Variants in PRMT8 observed in about 807,000 individuals in gnomAD.
PRMT8 encodes protein arginine N-methyltransferase 8.
In PRMT8, 7 loss-of-function variants were observed where a neutral mutation model predicts 47.1. The ratio of observed to expected loss-of-function variants is 0.15; its 90% CI spans 0.08 to 0.28. The LOEUF (loss-of-function observed/expected upper bound fraction) is 0.28, where lower values mean the gene tolerates loss of function less well. Among genes scored for constraint, PRMT8 ranks in the 10% least tolerant of loss-of-function variants. The pLI, the probability that PRMT8 is intolerant of heterozygous loss-of-function variation, is 1.00. For missense variants in PRMT8, 237 were observed against 505.4 expected (o/e 0.47, Z 5.09); for synonymous variants, 188 against 186.5 (o/e 1.01, Z -0.07).
intron 1 of PRMT8, among the ~76,000 whole-genome samples, chr12:3,451,318 C>T (rs756331711): frequency 6.6e-6 from 1 of 152,152 alleles, no homozygotes; most frequent in African/African-American, 2.4e-5. Flanking sequence ...GGGAGTGACA[C>T]ACCCAAAGTC....
intron 5 of PRMT8, 33 bp downstream of exon 5, chr12:3,568,881 C>T (rs201808249): frequency 7.5e-5 from 121 of 1,612,192 alleles, no homozygotes; most frequent in Non-Finnish European, 8.6e-5. Flanking sequence ...CCGCGTTGGC[C>T]GGCTGGCTGT....
chr12:3,485,828 G>C (rs1433163246), intron 1 of PRMT8, among the ~76,000 whole-genome samples: 1 of 152,062 alleles, frequency 6.6e-6, no homozygotes, highest in Non-Finnish European at 1.5e-5. Flanking sequence ...TTACCTTAAG[G>C]GGGTGAAGTT....
chr12:3,582,164 C>T (rs914143707), intron 7 of PRMT8, among the ~76,000 whole-genome samples: 7 of 152,172 alleles, frequency 4.6e-5, no homozygotes, highest in Admixed American at 4.6e-4. Flanking sequence ...CTCTTGGGCC[C>T]TAGTAGGTTT....
chr12:3,551,091 C>G (rs1319441855), intron 3 of PRMT8: 2 of 146,344 alleles, frequency 1.4e-5, no homozygotes, highest in Non-Finnish European at 3.1e-5. Context: ...CCCCCGCCCA[C>G]TGACTCCCAG....
At chr12:3,561,987 C>T (rs572375608) in intron 4 of PRMT8, among the ~76,000 whole-genome samples, 5 of 152,222 alleles carry the variant, frequency 3.3e-5, no homozygotes, top group Admixed American at 6.5e-5. Context: ...AGAATGGATG[C>T]CATCATTGGC....
chr12:3,562,601 C>A (rs1165507073), intron 4 of PRMT8, among the ~76,000 whole-genome samples: 2 of 152,194 alleles, frequency 1.3e-5, no homozygotes, highest in Admixed American at 6.5e-5. Context: ...TCACACACTG[C>A]CTGCCAAGAG....
chr12:3,546,656 C>T (rs1024551309), intron 2 of PRMT8, among the ~76,000 whole-genome samples: 1 of 152,116 alleles, frequency 6.6e-6, no homozygotes, highest in African/African-American at 2.4e-5. Context: ...TAACCCTTTC[C>T]TAATTAGAGA....
rs138344752 is a variant in PRMT8 at position 3,568,364 on chromosome 12, C to T, written c.482-342C>T. ...GGTGTAAATAAAAAAAAAAAATCTG[C>T]GTGTTCGTGGACCTGTGCAGTTCAA... On this transcript the variant is annotated intron_variant, in intron 4 of 9. Transcript: ENST00000382622. 1.5e-3 allele frequency among the ~76,000 whole-genome samples: 222 copies of T among 146,306 alleles called. 1 individual carries two copies. Among genetic ancestry groups the T allele is most frequent in the African/African-American group, 5.0e-3 (191 of 38,164 alleles).
chr12:3,415,443 C>T (rs763940881), intron 1 of PRMT8, among the ~76,000 whole-genome samples: 9 of 152,264 alleles, frequency 5.9e-5, no homozygotes, highest in Non-Finnish European at 1.2e-4. Context: ...GCTGAAAGTC[C>T]GAACCCTCTA....
intron 1 of PRMT8, among the ~76,000 whole-genome samples, chr12:3,525,765 A>T (rs1236211829): frequency 1.3e-5 from 2 of 152,188 alleles, no homozygotes; most frequent in Non-Finnish European, 2.9e-5. Flanking sequence ...AAGTCTAAGG[A>T]TTGCTGATTT....
At chr12:3,386,820 C>G (rs1300500750) in intron 1 of PRMT8, among the ~76,000 whole-genome samples, 1 of 152,002 alleles carries the variant, frequency 6.6e-6, no homozygotes, top group Non-Finnish European at 1.5e-5. Context: ...AACGATTCTC[C>G]TGCCTCAGCC....
At chr12:3,515,700 C>G (rs1473822292) in intron 1 of PRMT8, among the ~76,000 whole-genome samples, 4 of 152,184 alleles carry the variant, frequency 2.6e-5, no homozygotes, top group African/African-American at 9.7e-5. Context: ...TGCTTTCCTG[C>G]AGGGGTATTT....
intron 1 of PRMT8, among the ~76,000 whole-genome samples, chr12:3,428,538 A>G (rs1000311853): frequency 2.0e-5 from 3 of 152,186 alleles, no homozygotes; most frequent in African/African-American, 7.2e-5. Flanking sequence ...CCTTGTTTAC[A>G]CTGACAACAA....
chr12:3,427,605 T>TTTC (rs1369129190), intron 1 of PRMT8, among the ~76,000 whole-genome samples: 1 of 152,120 alleles, frequency 6.6e-6, no homozygotes, highest in African/African-American at 2.4e-5. Flanking sequence ...TGTTTTTTTT[T>TTTC]TCAATAGTTT....
chr12:3,390,830 A>T (rs1864186086), intron 1 of PRMT8, among the ~76,000 whole-genome samples: 1 of 152,210 alleles, frequency 6.6e-6, no homozygotes, highest in South Asian at 2.1e-4. Flanking sequence ...AGGTCAGGGA[A>T]CAGGCAGACT....
chr12:3,396,768 A>G (rs1864253633), intron 1 of PRMT8, among the ~76,000 whole-genome samples: 1 of 151,842 alleles, frequency 6.6e-6, no homozygotes, highest in Non-Finnish European at 1.5e-5. Context: ...CTGCCTTGCT[A>G]GATTGGGGAA....
chr12:3,544,634 G>A (rs1350148199), intron 2 of PRMT8, among the ~76,000 whole-genome samples: 1 of 152,206 alleles, frequency 6.6e-6, no homozygotes, highest in Admixed American at 6.5e-5. Context: ...GGGCAGTGTG[G>A]CTCGCTGCCT....
intron 1 of PRMT8, among the ~76,000 whole-genome samples, chr12:3,496,212 A>ATG (rs1444249290): frequency 5.2e-5 from 1 of 19,392 alleles, no homozygotes; most frequent in Non-Finnish European, 8.1e-5. Flanking sequence ...ATATATATAT[A>ATG]TATTTTTTTT....
intron 1 of PRMT8, among the ~76,000 whole-genome samples, chr12:3,475,738 G>A (rs560558360): frequency 1.3e-5 from 2 of 151,886 alleles, no homozygotes; most frequent in African/African-American, 2.4e-5. Flanking sequence ...TTCCAGTACC[G>A]TGGGGTGTGG....
Sources: allele counts gnomAD v4.1 joint callset (sites outside exome capture counted in the v4.1 genomes callset), GRCh38; gene constraint gnomAD v4.1.1; transcripts MANE v1.5; gene names NCBI Gene and HGNC (gene_info 2026-07-23, HGNC 2026-07-21).